Variants in ITGB5 observed in about 807,000 individuals in gnomAD.
The protein encoded by ITGB5 is integrin beta-5.
A neutral mutation model predicts 84.8 loss-of-function variants in ITGB5; 38 were observed. That is an observed-to-expected ratio of 0.45 (90% confidence interval 0.35 to 0.59). The LOEUF is 0.59. Ranked by LOEUF, ITGB5 falls within the 20% of genes least tolerant of loss-of-function variation. The probability of loss-of-function intolerance (pLI) is 0.01; values close to 1 mark genes in which losing one functional copy is unlikely to be tolerated. For missense variants in ITGB5, 905 were observed against 1,034.5 expected (o/e 0.87, Z 1.72); for synonymous variants, 393 against 414.4 (o/e 0.95, Z 0.63).
intron 5 of ITGB5, among the ~76,000 whole-genome samples, chr3:124,832,425 C>T (rs1165886059): frequency 2.6e-5 from 4 of 152,216 alleles, no homozygotes; most frequent in African/African-American, 9.6e-5. Context: ...AGTAAAGCCA[C>T]CTTCAAAGGA....
intron 10 of ITGB5, among the ~76,000 whole-genome samples, chr3:124,774,309 GA>G (rs1389103318): frequency 1.3e-5 from 2 of 152,132 alleles, no homozygotes; most frequent in African/African-American, 4.8e-5. Context: ...TTAAGTTAAG[GA>G]TTTTGAGATG....
chr3:124,766,640 CG>C (rs2063772596), intron 12 of ITGB5, among the ~76,000 whole-genome samples: 1 of 151,958 alleles, frequency 6.6e-6, no homozygotes, highest in Non-Finnish European at 1.5e-5. Flanking sequence ...TTAATGGTTT[CG>C]GGGTGGGGAC....
chr3:124,774,611 C>A (rs1040925189), intron 10 of ITGB5, among the ~76,000 whole-genome samples: 1 of 152,192 alleles, frequency 6.6e-6, no homozygotes, highest in Non-Finnish European at 1.5e-5. Context: ...AGGCTTCTGA[C>A]CTCCAGAGCT....
At chr3:124,773,627 C>A in intron 11 of ITGB5, 63 bp downstream of exon 11, 1 of 1,525,664 alleles carries the variant, frequency 6.6e-7, no homozygotes, top group East Asian at 2.3e-5. Context: ...TGAGGGCTGC[C>A]TGGCTGGACC....
At chr3:124,836,063 C>T (rs1200167301) in intron 5 of ITGB5, among the ~76,000 whole-genome samples, 1 of 152,202 alleles carries the variant, frequency 6.6e-6, no homozygotes, top group African/African-American at 2.4e-5. Flanking sequence ...CCTCCAGTCC[C>T]ATGCCTCCCT....
chr3:124,861,771 AG>A (rs1337664670), intron 2 of ITGB5, among the ~76,000 whole-genome samples: 1 of 152,200 alleles, frequency 6.6e-6, no homozygotes, highest in Non-Finnish European at 1.5e-5. Flanking sequence ...CATGTTGGCC[AG>A]GATGGCCTCG....
At position 124,796,509 on chromosome 3, in the gene ITGB5, C is replaced by A. The variant is rs759886778; in HGVS notation, c.1572G>T (p.Gly524=). Residue 524 remains glycine, a synonymous_variant, in exon 10 of 15, where the codon GGG becomes GGT. Transcript: ENST00000296181. ...REAEGKPLCS[G]RGDCSCNQCS... ...ACTGGTTGCAGCTGCAGTCCCCACG[C>A]CCGCTGCACAGTGGCTTGCCCTCTG... 3 of 1,614,186 alleles carry A rather than the reference C, an allele frequency of 1.9e-6. No individual in the cohort carries two copies. The highest frequency in any genetic ancestry group is 4.5e-5 in the East Asian group (2 of 44,880).
rs144048165 is a variant in ITGB5 at position 124,773,878 on chromosome 3, G to C, written c.1728C>G (p.Cys576Trp). ...AGTTGTCCCCGATGTAACCTGCATG[G>C]CACTTGCATTCCCCGCAGTGACACT... ...HGECHCGECK[C>W]HAGYIGDNCN... The change falls in exon 11 of 15, where the codon TGC becomes TGG. Residue 576 changes from cysteine to tryptophan, a missense_variant. By Grantham distance (215) the Cys-to-Trp change is radical. Transcript: ENST00000296181. 1.2e-6 allele frequency: 2 copies of C among 1,614,212 alleles called. No individual in the cohort carries two copies. Among genetic ancestry groups the C allele is most frequent in the Non-Finnish European group, 1.7e-6 (2 of 1,180,046 alleles).
chr3:124,797,560 A>G (rs1252197577), intron 9 of ITGB5, among the ~76,000 whole-genome samples: 1 of 152,188 alleles, frequency 6.6e-6, no homozygotes, highest in Non-Finnish European at 1.5e-5. Context: ...CTCACTCAGG[A>G]GCTTCTCACA....
chr3:124,820,778 A>AAATTCTTTCAAATTGC (rs1375618767), intron 6 of ITGB5, among the ~76,000 whole-genome samples: 1 of 152,172 alleles, frequency 6.6e-6, no homozygotes, highest in Admixed American at 6.5e-5. Flanking sequence ...AATTTTGCAC[A>AAATTCTTTCAAATTGC]AATTCTTTCA....
chr3:124,782,539 A>T (rs1279124854), intron 10 of ITGB5, among the ~76,000 whole-genome samples: 1 of 152,254 alleles, frequency 6.6e-6, no homozygotes, highest in African/African-American at 2.4e-5. Flanking sequence ...GAAGGAAGGC[A>T]GCAAGTGTAG....
rs772454752 is a variant in ITGB5, at chr3:124,796,831, A to T, written c.1264-14T>A. ...TTCAAAAGATGCCTGGGCAGAAGGA[A>T]GAGAAGGGATATCATGGCTGCGGCA... is the stretch of plus-strand genomic sequence containing the variant. On this transcript the variant is annotated splice_polypyrimidine_tract_variant and intron_variant, in intron 9 of 14. Coordinates refer to ENST00000296181, the MANE Select transcript of ITGB5 (RefSeq NM_002213.5). The T allele has an allele frequency of 1.9e-6, 3 of 1,581,904 alleles. No homozygotes were observed. In the South Asian group the frequency reaches 3.5e-5, roughly 18 times the overall value.
In ITGB5 at chr3:124,766,550, T is replaced by C. The variant is rs61761675; in HGVS notation, c.2018-205A>G. On this transcript the variant is annotated intron_variant, in intron 12 of 14. Transcript: ENST00000296181. The stretch of plus-strand genomic sequence containing the variant: ...GGCCCAGGGCTGAATTTAGATGGCT[T>C]TGGGGACACGTGGAACACATTAGAG... 0.024 allele frequency among the ~76,000 whole-genome samples: 3,601 copies of C among 152,160 alleles called. 169 individuals carry two copies. Among genetic ancestry groups the C allele is most frequent in the African/African-American group, 0.082 (3,386 of 41,492 alleles).
chr3:124,806,843 AAAC>A (rs1160095784), intron 9 of ITGB5, among the ~76,000 whole-genome samples: 2 of 152,024 alleles, frequency 1.3e-5, no homozygotes, highest in African/African-American at 4.8e-5. Context: ...TAATGGATGA[AAAC>A]AACATAAATA....
chr3:124,766,394 C>T (rs2063769190), intron 12 of ITGB5, 49 bp from the exon 13 acceptor site: 1 of 1,602,946 alleles, frequency 6.2e-7, no homozygotes, highest in Non-Finnish European at 8.5e-7. Flanking sequence ...GAGCAGCCCA[C>T]AGCCACTGAT....
At chr3:124,866,184 T>C (rs908660599) in intron 2 of ITGB5, among the ~76,000 whole-genome samples, 2 of 151,604 alleles carry the variant, frequency 1.3e-5, no homozygotes, top group African/African-American at 4.9e-5. Flanking sequence ...GGTTTCACCA[T>C]GTTGGCCAGG....
chr3:124,820,865 C>T (rs2064691180), intron 6 of ITGB5, among the ~76,000 whole-genome samples: 1 of 152,136 alleles, frequency 6.6e-6, no homozygotes, highest in Non-Finnish European at 1.5e-5. Flanking sequence ...AACACTTCTG[C>T]CCACCACCAC....
chr3:124,885,643 T>G (rs1448832928), intron 1 of ITGB5, among the ~76,000 whole-genome samples: 2 of 152,246 alleles, frequency 1.3e-5, no homozygotes, highest in Non-Finnish European at 2.9e-5. Flanking sequence ...AGGCTACATC[T>G]TCCTGCTCCT....
At chr3:124,858,899 C>T (rs9859090) in intron 3 of ITGB5, among the ~76,000 whole-genome samples, 23,930 of 152,092 alleles carry the variant, frequency 0.16, 1,970 homozygotes, top group South Asian at 0.21. Flanking sequence ...TTTAGGACGA[C>T]GAAAATGTTC....
Sources: gnomAD v4.1 joint callset for allele counts (sites outside exome capture counted in the v4.1 genomes callset) on GRCh38, gnomAD v4.1.1 for gene constraint, MANE v1.5 for transcripts, NCBI Gene and HGNC (gene_info 2026-07-23, HGNC 2026-07-21) for gene names.